The following PLCE1 variants were observed in gnomAD, a reference collection of about 807,000 sequenced individuals.
The protein encoded by PLCE1 is phospholipase C epsilon 1, also known as 1-phosphatidylinositol 4,5-bisphosphate phosphodiesterase epsilon-1.
Under a neutral mutation model 242.8 loss-of-function variants are expected in PLCE1, and 119 were observed. The observed-to-expected ratio is 0.49, with a 90% CI of 0.42 to 0.57. The LOEUF is 0.57. PLCE1 is among the 20% of genes least tolerant of loss of function. The pLI is 0.00. For missense variants in PLCE1, 2,441 were observed against 2,788.8 expected (o/e 0.88, Z 2.81); for synonymous variants, 945 against 1,017.4 (o/e 0.93, Z 1.35).
chr10:94,083,904 A>C (rs1014372183), intron 2 of PLCE1, among the ~76,000 whole-genome samples: 1 of 152,134 alleles, frequency 6.6e-6, no homozygotes, highest in Non-Finnish European at 1.5e-5. Context: ...AAGGTAACTG[A>C]GAGTTTGTAG....
chr10:94,024,855 T>C (rs1156777427), intron 1 of PLCE1, among the ~76,000 whole-genome samples: 1 of 152,154 alleles, frequency 6.6e-6, no homozygotes, highest in African/African-American at 2.4e-5. Flanking sequence ...TTCACTCTTC[T>C]GTACTCTTGG....
intron 2 of PLCE1, among the ~76,000 whole-genome samples, chr10:94,115,910 C>T (rs1343276946): frequency 1.3e-5 from 2 of 152,192 alleles, no homozygotes; most frequent in Non-Finnish European, 2.9e-5. Context: ...TCTTACCTGC[C>T]TGCCTTCCAG....
chr10:94,049,991 C>G (rs2043719093), intron 2 of PLCE1, among the ~76,000 whole-genome samples: 1 of 152,126 alleles, frequency 6.6e-6, no homozygotes, highest in Non-Finnish European at 1.5e-5. Context: ...ATGAATATCC[C>G]ACTCTTTATT....
chr10:94,156,663 TAGTC>T (rs1237829433), intron 3 of PLCE1, among the ~76,000 whole-genome samples: 1 of 152,154 alleles, frequency 6.6e-6, no homozygotes, highest in East Asian at 1.9e-4. Flanking sequence ...ATGATTAATT[TAGTC>T]AGTCTTCAGT....
intron 24 of PLCE1, among the ~76,000 whole-genome samples, chr10:94,302,331 T>G (rs940838047): frequency 3.3e-5 from 5 of 152,234 alleles, no homozygotes; most frequent in Admixed American, 3.3e-4. Context: ...GGCACATGTT[T>G]ACCTATGTAA....
At chr10:93,994,285 T>G (rs972139619) in intron 1 of PLCE1, among the ~76,000 whole-genome samples, 27 bp downstream of exon 1, 1 of 152,180 alleles carries the variant, frequency 6.6e-6, no homozygotes, top group Non-Finnish European at 1.5e-5. Flanking sequence ...GTAGCTCGGT[T>G]CCTGAGGACT....
At chr10:94,003,672 G>T (rs1345228191) in intron 1 of PLCE1, among the ~76,000 whole-genome samples, 7 of 152,148 alleles carry the variant, frequency 4.6e-5, no homozygotes, top group Non-Finnish European at 1.0e-4. Flanking sequence ...AAGAGTGACA[G>T]GTGCAGCTTC....
chr10:94,232,055 G>A (rs531215519), intron 5 of PLCE1, among the ~76,000 whole-genome samples: 2 of 152,186 alleles, frequency 1.3e-5, no homozygotes, highest in African/African-American at 4.8e-5. Flanking sequence ...TGCATATGTT[G>A]GAAAAGTATT....
chr10:94,306,294 G>GT lies in PLCE1; in HGVS notation c.5623-129dup. Reference sequence around the variant, plus strand: ...CCTACAATCACTTACTTTTTAAACAGTTTTATTCATCATTCACTTTGTCCA... The same window carrying GT: ...CCTACAATCACTTACTTTTTAAACAGTTTTTATTCATCATTCACTTTGTCCA... On this transcript the variant is annotated intron_variant, in intron 25 of 32. Transcript: ENST00000371380. This position sits in a 1 kb window ranked among gnomAD's most constrained non-coding sequence, Gnocchi z 5.7. The GT allele has an allele frequency of 6.6e-7, 1 of 1,507,484 alleles. No individual in the cohort carries two copies. The highest frequency in any genetic ancestry group is 9.2e-7 in the Non-Finnish European group (1 of 1,088,328). 93.4% of individuals were successfully genotyped at this position (1,507,484 alleles called of 1,614,324 possible). A position where few individuals can be genotyped will look rare whatever the true frequency, so the allele number is the denominator to read the frequency against.
chr10:94,114,789 G>C (rs2046068315), intron 2 of PLCE1, among the ~76,000 whole-genome samples: 1 of 151,218 alleles, frequency 6.6e-6, no homozygotes, highest in Non-Finnish European at 1.5e-5. Flanking sequence ...TTAAGTTCTA[G>C]GGTACATGTG....
intron 2 of PLCE1, among the ~76,000 whole-genome samples, chr10:94,039,694 C>A (rs2134615784): frequency 6.6e-6 from 1 of 152,234 alleles, no homozygotes; most frequent in Admixed American, 6.5e-5. Context: ...CCTGATTTCT[C>A]CACATCTTGA....
intron 2 of PLCE1, among the ~76,000 whole-genome samples, chr10:94,085,208 C>T (rs1374500465): frequency 6.6e-6 from 1 of 152,048 alleles, no homozygotes; most frequent in Non-Finnish European, 1.5e-5. Context: ...TTTGGGGGGA[C>T]ATTAGACCCT....
chr10:94,089,855 A>G (rs1043167271), intron 2 of PLCE1, among the ~76,000 whole-genome samples: 1 of 152,190 alleles, frequency 6.6e-6, no homozygotes, highest in African/African-American at 2.4e-5. Flanking sequence ...TAATACTAGT[A>G]AGGAATATCC....
intron 18 of PLCE1, among the ~76,000 whole-genome samples, chr10:94,270,884 G>T (rs2051704965): frequency 6.6e-6 from 1 of 152,168 alleles, no homozygotes; most frequent in African/African-American, 2.4e-5. Flanking sequence ...TGGCCAGGCT[G>T]CTCTGGAACT....
chr10:94,163,420 T>C (rs2047683250), intron 3 of PLCE1, among the ~76,000 whole-genome samples: 1 of 152,230 alleles, frequency 6.6e-6, no homozygotes, highest in African/African-American at 2.4e-5. Flanking sequence ...ATGGCCTTCT[T>C]TGTCTCCTTT....
chr10:94,045,323 G>T (rs533045044), intron 2 of PLCE1, among the ~76,000 whole-genome samples: 12 of 151,962 alleles, frequency 7.9e-5, no homozygotes, highest in Admixed American at 3.3e-4. Flanking sequence ...TTTTGTAGAG[G>T]TAGGGTCTCA....
chr10:94,231,699 G>T (rs968758483), intron 5 of PLCE1, among the ~76,000 whole-genome samples: 1 of 152,026 alleles, frequency 6.6e-6, no homozygotes, highest in Non-Finnish European at 1.5e-5. Context: ...TGTGGGGGTG[G>T]GGGCAGATGG....
intron 8 of PLCE1, among the ~76,000 whole-genome samples, chr10:94,250,787 A>G (rs1007173526): frequency 2.6e-5 from 4 of 152,324 alleles, no homozygotes; most frequent in African/African-American, 9.6e-5. Flanking sequence ...GCTTTTAAAG[A>G]TGTATTGGTT....
At chr10:94,054,811 G>T (rs1313808147) in intron 2 of PLCE1, among the ~76,000 whole-genome samples, 2 of 152,028 alleles carry the variant, frequency 1.3e-5, no homozygotes, top group African/African-American at 2.4e-5. Context: ...AGGAGATCGA[G>T]ACCATCCTGG....
Sources: gnomAD v4.1 joint callset for allele counts (sites outside exome capture counted in the v4.1 genomes callset) on GRCh38, gnomAD v4.1.1 for gene constraint, Gnocchi (gnomAD v3.1) non-coding constraint, MANE v1.5 for transcripts, NCBI Gene and HGNC (gene_info 2026-07-23, HGNC 2026-07-21) for gene names.